Variants in NRXN3 observed in about 807,000 individuals in gnomAD.
The protein encoded by NRXN3 is neurexin III.
In NRXN3, 32 loss-of-function variants were observed where a neutral mutation model predicts 137.6. The observed-to-expected ratio is 0.23, with a 90% CI of 0.18 to 0.31. The LOEUF (loss-of-function observed/expected upper bound fraction) is 0.31. NRXN3 is among the 10% of genes least tolerant of loss of function. The probability of loss-of-function intolerance (pLI) is 1.00; values close to 1 mark genes in which losing one functional copy is unlikely to be tolerated. For missense variants in NRXN3, 1,574 were observed against 2,062.5 expected, an observed-to-expected ratio of 0.76 and a Z score of 4.59; for synonymous variants, 798 against 784.5, an observed-to-expected ratio of 1.02 and a Z score of -0.29.
At chr14:78,264,052 T>C (rs761792681) in intron 2 of NRXN3, among the ~76,000 whole-genome samples, 7 of 152,114 alleles carry the variant, frequency 4.6e-5, no homozygotes, top group Non-Finnish European at 7.4e-5. Context: ...AACATATTCA[T>C]GAAGTCAAAA....
chr14:78,605,175 C>T (rs1223176842), intron 4 of NRXN3, among the ~76,000 whole-genome samples: 4 of 152,154 alleles, frequency 2.6e-5, no homozygotes, highest in African/African-American at 9.7e-5. Flanking sequence ...AGTTTTAAGT[C>T]ATCATCTTCC....
intron 4 of NRXN3, among the ~76,000 whole-genome samples, chr14:78,376,730 G>T (rs921837898): frequency 6.6e-6 from 1 of 152,166 alleles, no homozygotes; most frequent in Non-Finnish European, 1.5e-5. Flanking sequence ...GAAAGGGGAA[G>T]CCTACAGGAC....
rs57887389 is a variant in NRXN3, at chr14:79,544,002, A to G, written c.3444+76600A>G. ...CCAGTTTCTTTGTTTCATAACATCT[A>G]TGGAATGGCTTTGTGAATGCAAATG... On this transcript the variant is annotated intron_variant, in intron 16 of 20. Transcript: ENST00000335750. 1.3e-3 allele frequency among the ~76,000 whole-genome samples: 196 copies of G among 152,346 alleles called. 2 individuals carry two copies. The East Asian group carries it at 0.032, about 25-fold the overall frequency.
intron 15 of NRXN3, among the ~76,000 whole-genome samples, chr14:79,281,333 G>C (rs913721673): frequency 2.0e-5 from 3 of 152,130 alleles, no homozygotes; most frequent in African/African-American, 7.2e-5. Context: ...GGTACGATGG[G>C]TTTTACTCCA....
chr14:78,250,085 C>T (rs1000570955), intron 2 of NRXN3: 5 of 516,810 alleles, frequency 9.7e-6, no homozygotes, highest in African/African-American at 9.6e-5. Flanking sequence ...TTATGATTCT[C>T]ATTTTTTTGG....
At chr14:79,187,709 A>G (rs2063705447) in intron 15 of NRXN3, among the ~76,000 whole-genome samples, 1 of 152,242 alleles carries the variant, frequency 6.6e-6, no homozygotes, top group African/African-American at 2.4e-5. Flanking sequence ...AAGAAAAAAT[A>G]GCGAATGTCC....
At chr14:78,885,004 A>G (rs1362081599) in intron 10 of NRXN3, among the ~76,000 whole-genome samples, 2 of 152,098 alleles carry the variant, frequency 1.3e-5, no homozygotes, top group East Asian at 3.8e-4. Flanking sequence ...CTTATTAGGT[A>G]GGTGAACTTA....
chr14:78,967,719 T>A (rs2099423124), intron 13 of NRXN3, among the ~76,000 whole-genome samples: 1 of 152,150 alleles, frequency 6.6e-6, no homozygotes, highest in African/African-American at 2.4e-5. Context: ...AGCTGAATCA[T>A]TTAATGTCTG....
At chr14:79,585,579 G>C (rs559919048) in intron 16 of NRXN3, among the ~76,000 whole-genome samples, 1 of 151,696 alleles carries the variant, frequency 6.6e-6, no homozygotes, top group East Asian at 2.0e-4. Context: ...CAGCTACTCA[G>C]GACGCTGAGG....
intron 20 of NRXN3, among the ~76,000 whole-genome samples, chr14:79,858,024 T>G (rs571908942): frequency 6.6e-6 from 1 of 152,332 alleles, no homozygotes; most frequent in Non-Finnish European, 1.5e-5. Context: ...ACCCATCATT[T>G]TAGTTTTAAA....
intron 15 of NRXN3, chr14:79,072,465 G>C (rs576615936): frequency 1.3e-5 from 2 of 152,216 alleles, no homozygotes; most frequent in South Asian, 2.1e-4. Flanking sequence ...AGCAGGTTAC[G>C]AACCTCTGAA....
chr14:78,325,307 AT>A (rs1463009887), intron 4 of NRXN3, among the ~76,000 whole-genome samples: 1 of 151,928 alleles, frequency 6.6e-6, no homozygotes, highest in African/African-American at 2.4e-5. Context: ...GCATAGGACT[AT>A]CCCTTCCTCT....
At chr14:78,281,658 C>A (rs753703441) in intron 3 of NRXN3, among the ~76,000 whole-genome samples, 1 of 152,154 alleles carries the variant, frequency 6.6e-6, no homozygotes, top group Admixed American at 6.5e-5. Flanking sequence ...AAGCACTTGG[C>A]AGGTGCTGAA....
intron 4 of NRXN3, among the ~76,000 whole-genome samples, chr14:78,642,774 C>A (rs914065452): frequency 2.6e-5 from 4 of 152,194 alleles, no homozygotes; most frequent in African/African-American, 4.8e-5. Flanking sequence ...GGGGAGAGAT[C>A]ATGACAATAG....
chr14:79,183,987 A>G (rs2063234382), intron 15 of NRXN3, among the ~76,000 whole-genome samples: 1 of 152,162 alleles, frequency 6.6e-6, no homozygotes, highest in African/African-American at 2.4e-5. Context: ...CCACAATTCA[A>G]AGTAATAACA....
intron 8 of NRXN3, among the ~76,000 whole-genome samples, chr14:78,792,257 CAAAAAAAAAA>C (rs140968788): frequency 2.1e-4 from 4 of 19,458 alleles, no homozygotes. Context: ...AGACTAAAGG[CAAAAAAAAAA>C]AAAAAAAAAA....
intron 4 of NRXN3, among the ~76,000 whole-genome samples, chr14:78,570,497 G>T (rs2096879329): frequency 6.6e-6 from 1 of 152,222 alleles, no homozygotes; most frequent in African/African-American, 2.4e-5. Flanking sequence ...TTAAAGCTCA[G>T]ATGGGAAATA....
chr14:79,227,938 A>G (rs929518711), intron 15 of NRXN3, among the ~76,000 whole-genome samples: 1 of 151,856 alleles, frequency 6.6e-6, no homozygotes, highest in African/African-American at 2.4e-5. Context: ...AGTTAAAAAG[A>G]TGCCAGTGAC....
chr14:78,396,052 T>C (rs2091422085), intron 4 of NRXN3, among the ~76,000 whole-genome samples: 1 of 152,076 alleles, frequency 6.6e-6, no homozygotes, highest in South Asian at 2.1e-4. Flanking sequence ...GTTTCTCTTT[T>C]CTTTTTCTGC....
Sources: gnomAD v4.1 joint callset for allele counts (sites outside exome capture counted in the v4.1 genomes callset) on GRCh38, gnomAD v4.1.1 for gene constraint, MANE v1.5 for transcripts, NCBI Gene and HGNC (gene_info 2026-07-23, HGNC 2026-07-21) for gene names.